Variants in PTPRR observed in about 807,000 individuals in gnomAD.
The protein encoded by PTPRR is receptor-type tyrosine-protein phosphatase R.
A neutral mutation model predicts 77.2 loss-of-function variants in PTPRR; 38 were observed. The observed-to-expected ratio is 0.49, with a 90% CI of 0.38 to 0.65. The LOEUF (loss-of-function observed/expected upper bound fraction) is 0.65. PTPRR is among the 30% of genes least tolerant of loss of function. The pLI, the probability that PTPRR is intolerant of heterozygous loss-of-function variation, is 0.00. For synonymous variants in PTPRR, 299 were observed against 283.1 expected (o/e 1.06, Z -0.57); for missense variants, 744 against 799.2 (o/e 0.93, Z 0.83).
intron 2 of PTPRR, among the ~76,000 whole-genome samples, chr12:70,833,248 G>C (rs1435369127): frequency 1.3e-5 from 2 of 152,164 alleles, no homozygotes; most frequent in African/African-American, 4.8e-5. Context: ...CAATATGGTA[G>C]TGAGGGATAA....
chr12:70,720,981 C>G (rs1889229675), intron 6 of PTPRR, among the ~76,000 whole-genome samples: 1 of 152,168 alleles, frequency 6.6e-6, no homozygotes, highest in African/African-American at 2.4e-5. Context: ...TCCTTAACAG[C>G]ACTGCTTTCT....
chr12:70,900,959 G>T (rs1261204760), intron 1 of PTPRR, among the ~76,000 whole-genome samples: 3 of 151,466 alleles, frequency 2.0e-5, no homozygotes, highest in Non-Finnish European at 4.4e-5. Context: ...TTTCCAAAAT[G>T]CTTGGGACCA....
At chr12:70,866,587 G>A (rs866749849) in intron 2 of PTPRR, among the ~76,000 whole-genome samples, 10 of 152,232 alleles carry the variant, frequency 6.6e-5, no homozygotes, top group Middle Eastern at 6.8e-3. Flanking sequence ...ATTCACAGCC[G>A]AATTCTACCA....
intron 1 of PTPRR, among the ~76,000 whole-genome samples, chr12:70,896,338 G>A (rs565759865): frequency 6.6e-6 from 1 of 151,682 alleles, no homozygotes; most frequent in African/African-American, 2.4e-5. Context: ...AAGAAAAGAA[G>A]CAAAGGCAAG....
intron 2 of PTPRR, among the ~76,000 whole-genome samples, chr12:70,874,783 G>A (rs556350957): frequency 2.0e-4 from 31 of 151,884 alleles, no homozygotes; most frequent in African/African-American, 3.9e-4. Flanking sequence ...TTAGCTGGGC[G>A]TGGTGGCGTG....
intron 10 of PTPRR, chr12:70,672,600 A>C (rs1887276063): frequency 2.7e-6 from 4 of 1,459,436 alleles, no homozygotes; most frequent in East Asian, 2.6e-5. Flanking sequence ...ACAGTGTAGC[A>C]GATGCACACA....
chr12:70,869,580 ATTAAG>A (rs1892925465), intron 2 of PTPRR, among the ~76,000 whole-genome samples: 2 of 152,212 alleles, frequency 1.3e-5, no homozygotes. Context: ...TGTCGATGTG[ATTAAG>A]TTAACTATCT....
intron 10 of PTPRR, among the ~76,000 whole-genome samples, chr12:70,665,262 G>C (rs970010917): frequency 1.4e-5 from 2 of 146,304 alleles, no homozygotes; most frequent in African/African-American, 4.9e-5. Context: ...GTGCAAACAA[G>C]TTATTATCAA....
intron 2 of PTPRR, among the ~76,000 whole-genome samples, chr12:70,820,899 G>A (rs1479574408): frequency 6.6e-6 from 1 of 152,126 alleles, no homozygotes; most frequent in African/African-American, 2.4e-5. Flanking sequence ...CACTCTCCTT[G>A]CTGGGTATAA....
At chr12:70,674,640 C>T (rs1318395449) in intron 10 of PTPRR, among the ~76,000 whole-genome samples, 1 of 152,064 alleles carries the variant, frequency 6.6e-6, no homozygotes, top group Non-Finnish European at 1.5e-5. Context: ...CCAAGACTTG[C>T]TATATAGTCG....
At chr12:70,847,394 T>G (rs907129478) in intron 2 of PTPRR, among the ~76,000 whole-genome samples, 4 of 152,174 alleles carry the variant, frequency 2.6e-5, no homozygotes, top group Non-Finnish European at 5.9e-5. Flanking sequence ...CCAATAGAAA[T>G]TATAATATGG....
chr12:70,673,877 T>C (rs1261744962), intron 10 of PTPRR, among the ~76,000 whole-genome samples: 1 of 152,184 alleles, frequency 6.6e-6, no homozygotes, highest in Non-Finnish European at 1.5e-5. Context: ...TTAATTCTGC[T>C]AGTTTTGCCT....
At chr12:70,735,772 G>C (rs1889841910) in intron 6 of PTPRR, among the ~76,000 whole-genome samples, 1 of 152,102 alleles carries the variant, frequency 6.6e-6, no homozygotes, top group African/African-American at 2.4e-5. Context: ...ACTGCAAGAT[G>C]GGCATAGAAA....
chr12:70,902,459 G>A (rs1893553323), intron 1 of PTPRR, among the ~76,000 whole-genome samples: 2 of 151,584 alleles, frequency 1.3e-5, no homozygotes. Flanking sequence ...TGAGATCTAT[G>A]TCTATATGAG....
chr12:70,745,192 G>A (rs886299235), intron 6 of PTPRR, among the ~76,000 whole-genome samples: 2 of 152,082 alleles, frequency 1.3e-5, no homozygotes, highest in Admixed American at 6.5e-5. Context: ...AGCCTCCCAA[G>A]TAGCTGGGAT....
chr12:70,842,666 T>C (rs1303563126), intron 2 of PTPRR, among the ~76,000 whole-genome samples: 1 of 152,236 alleles, frequency 6.6e-6, no homozygotes, highest in Non-Finnish European at 1.5e-5. Flanking sequence ...AATCTACCTC[T>C]GTATTTCTCT....
intron 1 of PTPRR, among the ~76,000 whole-genome samples, chr12:70,915,394 G>A (rs1893760535): frequency 6.6e-6 from 1 of 152,168 alleles, no homozygotes; most frequent in African/African-American, 2.4e-5. Flanking sequence ...AATGGAATAT[G>A]TGAGGTGCTA....
intron 2 of PTPRR, among the ~76,000 whole-genome samples, chr12:70,835,315 G>A: frequency 6.6e-6 from 1 of 152,042 alleles, no homozygotes; most frequent in East Asian, 1.9e-4. Context: ...TTTGTAATTA[G>A]TGCTAAGGGA....
At chr12:70,773,334 G>A (rs1475550536) in intron 2 of PTPRR, among the ~76,000 whole-genome samples, 1 of 152,156 alleles carries the variant, frequency 6.6e-6, no homozygotes, top group South Asian at 2.1e-4. Flanking sequence ...CACCTTTAAC[G>A]AGGAGAAAGT....
Sources: gnomAD v4.1 joint callset for allele counts (sites outside exome capture counted in the v4.1 genomes callset) on GRCh38, gnomAD v4.1.1 for gene constraint, MANE v1.5 for transcripts, NCBI Gene and HGNC (gene_info 2026-07-23, HGNC 2026-07-21) for gene names.